The following SGPP2 variants were observed in gnomAD, a reference collection of about 807,000 sequenced individuals.
SGPP2 encodes the protein sphingosine 1-phosphate phosphohydrolase 2.
In SGPP2, 30 loss-of-function variants were observed where a neutral mutation model predicts 33.9. The ratio of observed to expected loss-of-function variants is 0.89; its 90% CI spans 0.66 to 1.20. The LOEUF is 1.20. Ranked by LOEUF, SGPP2 falls within the 50% of genes most tolerant of loss-of-function variation. The probability of loss-of-function intolerance (pLI) is 0.00; values close to 1 mark genes in which losing one functional copy is unlikely to be tolerated. For synonymous variants in SGPP2, 233 were observed against 225.0 expected (o/e 1.04, Z -0.32); for missense variants, 458 against 532.1 (o/e 0.86, Z 1.37).
At position 222,476,678 on chromosome 2, in the gene SGPP2, GAT is replaced by G. The variant is rs770066147; in HGVS notation, c.378+1953_378+1954del. On this transcript the variant is annotated intron_variant, in intron 2 of 4. Transcript: ENST00000321276. This position sits in a 1 kb window ranked among gnomAD's most constrained non-coding sequence, Gnocchi z 4.3. ...TTTCCTACTGTCGTTTATTTTCTAAGATGTGTGTGTGTGCGTGTGTAAGGTAT... is the reference window on the plus strand; with the variant it reads ...TTTCCTACTGTCGTTTATTTTCTAAGGTGTGTGTGTGCGTGTGTAAGGTAT... Among the ~76,000 whole-genome samples the G allele has an allele frequency of 2.7e-5, 4 of 150,256 alleles. No individual in the cohort carries two copies. Among genetic ancestry groups the G allele is most frequent in the South Asian group, 4.5e-4 (2 of 4,478 alleles).
chr2:222,543,904 A>G lies in SGPP2; in HGVS notation c.649-14443A>G, dbSNP rs142673887. ...TTTTTCTTGGGATTAAATTGAATCT[A>G]TAGATTAATTTGAGAGATCTGGTAT... On this transcript the variant is annotated intron_variant, in intron 4 of 4. Coordinates refer to ENST00000321276, the MANE Select transcript of SGPP2 (RefSeq NM_152386.4). Among the ~76,000 whole-genome samples the G allele has an allele frequency of 4.6e-5, 7 of 152,348 alleles. No individual in the cohort carries two copies. The East Asian group carries it at 9.6e-4, about 21-fold the overall frequency.
rs141306644 is a variant in SGPP2, at chr2:222,492,720, T to C, written c.378+17994T>C. On this transcript the variant is annotated intron_variant, in intron 2 of 4. Coordinates refer to ENST00000321276, the MANE Select transcript of SGPP2 (RefSeq NM_152386.4). Reference sequence around the variant, plus strand: ...GAATTTTTCCCCAGAAAATGGGTTTTCCTTTCCTATGGCATTGTCAGGCTG... The same window carrying C: ...GAATTTTTCCCCAGAAAATGGGTTTCCCTTTCCTATGGCATTGTCAGGCTG... Among the ~76,000 whole-genome samples, 322 of 152,378 alleles carry C rather than the reference T, an allele frequency of 2.1e-3. 2 individuals are homozygous for C. Among genetic ancestry groups the C allele is most frequent in the Middle Eastern group, 6.8e-3 (2 of 294 alleles).
rs139253179 is a variant in SGPP2, at chr2:222,524,995, T to A, written c.610T>A (p.Cys204Ser). ...GGCCGTGGTGTTTTCCACCTTGGTG[T>A]GTCTCAGCAGGCTCTACACTGGGAT... ...VMAVVFSTLV[C>S]LSRLYTGMHT... The change falls in exon 4 of 5, where the codon TGT (cysteine) becomes AGT (serine). Residue 204 changes from cysteine to serine, a missense_variant. By Grantham distance (112) the Cys-to-Ser change is moderately radical. Transcript: ENST00000321276. The A allele has an allele frequency of 8.2e-5, 132 of 1,613,920 alleles. No homozygotes were observed. The highest frequency in any genetic ancestry group is 1.1e-4 in the Non-Finnish European group (131 of 1,179,942).
At chr2:222,439,778 A>C (rs1697297514) in intron 1 of SGPP2, among the ~76,000 whole-genome samples, 1 of 152,226 alleles carries the variant, frequency 6.6e-6, no homozygotes, top group Non-Finnish European at 1.5e-5. Context: ...AGTAGTTGCT[A>C]AGGGTAAGAA....
At chr2:222,481,298 T>A (rs1051610319) in intron 2 of SGPP2, among the ~76,000 whole-genome samples, 1 of 152,236 alleles carries the variant, frequency 6.6e-6, no homozygotes, top group Non-Finnish European at 1.5e-5. Flanking sequence ...CCAGTTCATA[T>A]ATAATTAGTG....
At chr2:222,528,689 T>C (rs1183103447) in intron 4 of SGPP2, among the ~76,000 whole-genome samples, 1 of 152,204 alleles carries the variant, frequency 6.6e-6, no homozygotes, top group Admixed American at 6.5e-5. Flanking sequence ...AGATCTTGGC[T>C]CACTGCAATG....
intron 1 of SGPP2, among the ~76,000 whole-genome samples, chr2:222,444,220 G>T (rs1020857262): frequency 6.6e-6 from 1 of 152,146 alleles, no homozygotes; most frequent in South Asian, 2.1e-4. Flanking sequence ...ACTTCATAAG[G>T]GTAGACTCTA....
At chr2:222,520,728 A>C (rs1366955892) in intron 2 of SGPP2, among the ~76,000 whole-genome samples, 1 of 82,624 alleles carries the variant, frequency 1.2e-5, no homozygotes, top group South Asian at 5.6e-4. Flanking sequence ...CTCTGAAAAA[A>C]AAAAAAAAAA....
At chr2:222,425,678 G>A (rs1260936183) in intron 1 of SGPP2, among the ~76,000 whole-genome samples, 1 of 152,190 alleles carries the variant, frequency 6.6e-6, no homozygotes, top group Non-Finnish European at 1.5e-5. Flanking sequence ...CCTCGGCAAA[G>A]TCAAAAGTGT....
chr2:222,468,332 T>C (rs12475661), intron 1 of SGPP2, among the ~76,000 whole-genome samples: 1,562 of 152,116 alleles, frequency 0.01, 27 homozygotes, highest in African/African-American at 0.035. Context: ...TATATCATTT[T>C]ATATAGTAGG....
intron 1 of SGPP2, among the ~76,000 whole-genome samples, chr2:222,426,733 A>G (rs1697077045): frequency 6.6e-6 from 1 of 152,250 alleles, no homozygotes; most frequent in Non-Finnish European, 1.5e-5. Context: ...TGAAAGGTTA[A>G]TTAATGTTTT....
At chr2:222,535,178 ACT>A (rs1698894995) in intron 4 of SGPP2, among the ~76,000 whole-genome samples, 1 of 151,840 alleles carries the variant, frequency 6.6e-6, no homozygotes. Flanking sequence ...GGAGTTCAAG[ACT>A]CAGCCTGGCC....
At chr2:222,440,393 G>C (rs914537149) in intron 1 of SGPP2, among the ~76,000 whole-genome samples, 1 of 151,802 alleles carries the variant, frequency 6.6e-6, no homozygotes, top group Non-Finnish European at 1.5e-5. Flanking sequence ...GCCCAGGCTG[G>C]AGTGCAGGGT....
intron 1 of SGPP2, among the ~76,000 whole-genome samples, chr2:222,457,937 A>G (rs919507369): frequency 6.6e-6 from 1 of 152,226 alleles, no homozygotes; most frequent in African/African-American, 2.4e-5. Context: ...AGGGAAGGAC[A>G]TGGCTGGAGC....
At chr2:222,471,026 C>T (rs147157867) in intron 1 of SGPP2, among the ~76,000 whole-genome samples, 1 of 152,350 alleles carries the variant, frequency 6.6e-6, no homozygotes, top group Non-Finnish European at 1.5e-5. Context: ...AAACTCTACA[C>T]TTCCTTATCT....
intron 4 of SGPP2, among the ~76,000 whole-genome samples, chr2:222,530,845 T>G (rs1698827021): frequency 6.6e-6 from 1 of 152,152 alleles, no homozygotes; most frequent in African/African-American, 2.4e-5. Context: ...CCTTCCTCAC[T>G]AAGGTTAATC....
At chr2:222,536,956 A>AG (rs1009930891) in intron 4 of SGPP2, among the ~76,000 whole-genome samples, 3 of 24,848 alleles carry the variant, frequency 1.2e-4, no homozygotes, top group Non-Finnish European at 3.5e-4. Flanking sequence ...TCAAATCATA[A>AG]GAAAAATGTC....
rs1697898613 is a variant in SGPP2, at chr2:222,474,494, G to A, written c.220-74G>A. On this transcript the variant is annotated intron_variant, in intron 1 of 4. Transcript: ENST00000321276. Reference sequence around the variant, plus strand: ...CAGCGTCTTGGCAATTGAGACCTGTGAGTTTTAGACAGAGATGTTTAAAAC... The same window carrying A: ...CAGCGTCTTGGCAATTGAGACCTGTAAGTTTTAGACAGAGATGTTTAAAAC... 5.1e-6 allele frequency: 7 copies of A among 1,385,448 alleles called. No individual in the cohort carries two copies. The South Asian group carries it at 9.3e-5, about 18-fold the overall frequency. The allele number at this position is 1,385,448 out of a possible 1,614,324, so 85.8% of individuals were successfully genotyped here.
rs1465168287 is a variant in SGPP2 at position 222,476,842 on chromosome 2, GTATATAGGTGTGTATATGTGTA to G, written c.378+2130_378+2151del. ...TAGGTGTGTGTATATGTGTATGTGT[GTATATAGGTGTGTATATGTGTA>G]TATATAGGTGTGTGTATATATGTGT... is the stretch of plus-strand genomic sequence containing the variant. On this transcript the variant is annotated intron_variant, in intron 2 of 4. Transcript: ENST00000321276. The surrounding 1 kb of genome is among the most constrained non-coding windows in gnomAD (Gnocchi z 4.3). 6.6e-6 allele frequency among the ~76,000 whole-genome samples: 1 copy of G among 151,728 alleles called. No homozygotes were observed. The highest frequency in any genetic ancestry group is 1.5e-5 in the Non-Finnish European group (1 of 67,918).
Sources: allele counts gnomAD v4.1 joint callset (sites outside exome capture counted in the v4.1 genomes callset), GRCh38; gene constraint gnomAD v4.1.1; non-coding constraint Gnocchi (gnomAD v3.1); transcripts MANE v1.5; gene names NCBI Gene and HGNC (gene_info 2026-07-23, HGNC 2026-07-21).